ITPK1: variants seen among roughly 807,000 people sequenced by gnomAD.
ITPK1 encodes the protein inositol-tetrakisphosphate 1-kinase, also known as inositol 1,3,4-trisphosphate 5/6-kinase.
ITPK1 carries 21 observed loss-of-function variants against 45.3 expected under a neutral mutation model. The ratio of observed to expected loss-of-function variants is 0.46; its 90% confidence interval spans 0.33 to 0.67. The LOEUF (loss-of-function observed/expected upper bound fraction) is 0.67. Ranked by LOEUF, ITPK1 falls within the 30% of genes least tolerant of loss-of-function variation. The pLI, the probability that ITPK1 is intolerant of heterozygous loss-of-function variation, is 0.02. For missense variants in ITPK1, 474 were observed against 573.5 expected, an observed-to-expected ratio of 0.83 and a Z score of 1.77; for synonymous variants, 258 against 253.6, an observed-to-expected ratio of 1.02 and a Z score of -0.16.
At chr14:93,008,860 G>A (rs1432741591) in intron 4 of ITPK1, among the ~76,000 whole-genome samples, 1 of 152,240 alleles carries the variant, frequency 6.6e-6, no homozygotes, top group Non-Finnish European at 1.5e-5. Context: ...GTGACAAGAT[G>A]TTAGTCCTCT....
chr14:92,979,583 G>A (rs1886112310), intron 5 of ITPK1, among the ~76,000 whole-genome samples: 1 of 152,130 alleles, frequency 6.6e-6, no homozygotes, highest in Non-Finnish European at 1.5e-5. Flanking sequence ...AGCTGTTCAT[G>A]TGATAGTAAG....
Position 92,965,734 on chromosome 14 carries a change from T to C in ITPK1, c.365-2885A>G, listed in dbSNP as rs564156888. ...AATTATATTTATGGGTCTGGCATGG[T>C]GGCTCACGCCTGTAATCCCAGCACT... On this transcript the variant is annotated intron_variant, in intron 5 of 10. Coordinates refer to ENST00000267615, the MANE Select transcript of ITPK1 (RefSeq NM_014216.6). 1.5e-4 allele frequency among the ~76,000 whole-genome samples: 23 copies of C among 152,376 alleles called. No homozygotes were observed. In the East Asian group the frequency reaches 4.2e-3, roughly 28 times the overall value.
chr14:92,941,367 G>A lies in ITPK1; in HGVS notation c.*194C>T. The A allele has an allele frequency of 7.1e-7, 1 of 1,413,066 alleles. No individual in the cohort carries two copies. Among genetic ancestry groups the A allele is most frequent in the Non-Finnish European group, 9.2e-7 (1 of 1,091,308 alleles). The allele number at this position is 1,413,066 out of a possible 1,614,324, so 87.5% of individuals were successfully genotyped here. ...GCGGACGGCCCCACTCCCCAACGGT[G>A]GACCACCTGGTACTCTCTTCCATCC... On this transcript the variant is annotated 3_prime_UTR_variant, in exon 11 of 11. Coordinates refer to ENST00000267615, the MANE Select transcript of ITPK1 (RefSeq NM_014216.6).
At chr14:93,096,348 C>T (rs940843730) in intron 2 of ITPK1, among the ~76,000 whole-genome samples, 1 of 152,208 alleles carries the variant, frequency 6.6e-6, no homozygotes, top group Non-Finnish European at 1.5e-5. Context: ...CTTCATTTTC[C>T]GATCCCAGAT....
intron 4 of ITPK1, among the ~76,000 whole-genome samples, chr14:93,002,024 T>C (rs988203506): frequency 5.9e-5 from 9 of 152,134 alleles, no homozygotes; most frequent in African/African-American, 1.4e-4. Context: ...AACAACCCTA[T>C]GTAGATCCCG....
intron 3 of ITPK1, among the ~76,000 whole-genome samples, chr14:93,037,127 C>T (rs1889359236): frequency 6.6e-6 from 1 of 152,186 alleles, no homozygotes; most frequent in South Asian, 2.1e-4. Context: ...CAGGCCAGTC[C>T]CAATCCCTGG....
rs538216121 is a variant in ITPK1 at position 93,094,472 on chromosome 14, C to T, written c.96-17853G>A. Reference sequence around the variant, plus strand: ...AGTCACCAAGGAGCTGTCAGCTGGACGTGGCCCCTGGGAGCCGGGTGAAGC... The same window carrying T: ...AGTCACCAAGGAGCTGTCAGCTGGATGTGGCCCCTGGGAGCCGGGTGAAGC... On this transcript the variant is annotated intron_variant, in intron 2 of 10. Coordinates refer to ENST00000267615, the MANE Select transcript of ITPK1 (RefSeq NM_014216.6). 5.3e-5 allele frequency among the ~76,000 whole-genome samples: 8 copies of T among 152,306 alleles called. No individual in the cohort carries two copies. The South Asian group carries it at 1.7e-3, about 32-fold the overall frequency.
intron 2 of ITPK1, among the ~76,000 whole-genome samples, chr14:93,086,663 G>A (rs985238139): frequency 5.3e-5 from 8 of 152,252 alleles, no homozygotes; most frequent in Non-Finnish European, 1.2e-4. Context: ...GGGACAGCAG[G>A]AGGCACAGGG....
intron 2 of ITPK1, among the ~76,000 whole-genome samples, chr14:93,111,238 T>C (rs895426279): frequency 6.6e-6 from 1 of 152,064 alleles, no homozygotes; most frequent in African/African-American, 2.4e-5. Context: ...ACAGAAAGAA[T>C]GGGACAGAGA....
Position 93,016,712 on chromosome 14 carries a change from A to T in ITPK1, c.210T>A (p.Asn70Lys). 1.2e-6 allele frequency: 2 copies of T among 1,614,086 alleles called. No homozygotes were observed. The highest frequency in any genetic ancestry group is 1.7e-6 in the Non-Finnish European group (2 of 1,179,994). Residue 70 changes from asparagine to lysine, a missense_variant, in exon 4 of 11, where the codon AAT (asparagine) becomes AAA (lysine). Asn to Lys is a moderately conservative substitution (Grantham distance 94). Coordinates refer to ENST00000267615, the MANE Select transcript of ITPK1 (RefSeq NM_014216.6). The surrounding 1 kb of genome is among the most constrained non-coding windows in gnomAD (Gnocchi z 5.0). ...GCACCAGCTCCAGGGACTGGCTATC[A>T]TTCTGGTCGGCTTCAAGGATGACGT... ...LTDVILEADQ[N>K]DSQSLELVHR... is the part of the protein sequence containing the mutation.
intron 3 of ITPK1, among the ~76,000 whole-genome samples, chr14:93,028,053 C>T (rs1035114659): frequency 2.0e-5 from 3 of 152,224 alleles, no homozygotes; most frequent in Non-Finnish European, 2.9e-5. Flanking sequence ...GCCAGAAACC[C>T]GGAGGCTGCT....
intron 3 of ITPK1, among the ~76,000 whole-genome samples, chr14:93,037,847 G>A (rs935733935): frequency 1.3e-5 from 2 of 152,182 alleles, no homozygotes; most frequent in African/African-American, 4.8e-5. Context: ...TCCATTGTAA[G>A]AGATGTTTAT....
chr14:93,083,896 G>C (rs1595199770), intron 2 of ITPK1, among the ~76,000 whole-genome samples: 1 of 152,266 alleles, frequency 6.6e-6, no homozygotes, highest in East Asian at 1.9e-4. Context: ...CAGAGAGAAA[G>C]GCTGCTGGAC....
chr14:93,026,109 T>TA (rs1018524460), intron 3 of ITPK1, among the ~76,000 whole-genome samples: 20 of 150,878 alleles, frequency 1.3e-4, no homozygotes, highest in East Asian at 7.8e-4. Flanking sequence ...AGGCCCTGTC[T>TA]AAAAAAAAAG....
intron 5 of ITPK1, among the ~76,000 whole-genome samples, chr14:92,991,026 G>A (rs764064152): frequency 4.6e-5 from 7 of 150,578 alleles, no homozygotes; most frequent in African/African-American, 1.0e-4. Context: ...GGTGACAACC[G>A]GGGCAGGGGG....
chr14:93,059,999 C>G (rs1890449544), intron 3 of ITPK1, among the ~76,000 whole-genome samples: 2 of 151,866 alleles, frequency 1.3e-5, no homozygotes, highest in African/African-American at 2.4e-5. Flanking sequence ...ACGCAGCATT[C>G]AAGATCCAGG....
rs560601974 is a variant in ITPK1 at position 93,093,672 on chromosome 14, G to A, written c.96-17053C>T. ...AGGAACCAGGAGTGCTGAGGCCACCGGCCCCATACAGACAACATCCTGAGT... is the reference window on the plus strand; with the variant it reads ...AGGAACCAGGAGTGCTGAGGCCACCAGCCCCATACAGACAACATCCTGAGT... On this transcript the variant is annotated intron_variant, in intron 2 of 10. Transcript: ENST00000267615. Among the ~76,000 whole-genome samples the A allele has an allele frequency of 3.9e-5, 6 of 152,308 alleles. No individual in the cohort carries two copies. In the East Asian group the frequency reaches 7.7e-4, roughly 20 times the overall value.
intron 10 of ITPK1, 53 bp downstream of exon 10, chr14:92,946,278 C>T: frequency 6.2e-7 from 1 of 1,602,458 alleles, no homozygotes; most frequent in Non-Finnish European, 8.5e-7. Context: ...GCCTGGTCAC[C>T]TGAGGACAGT....
Position 93,036,727 on chromosome 14 carries a change from T to A in ITPK1, c.121-19926A>T, listed in dbSNP as rs1889338584. 6.6e-6 allele frequency: 1 copy of A among 152,176 alleles called. No homozygotes were observed. The highest frequency in any genetic ancestry group is 2.1e-4 in the South Asian group (1 of 4,832). 9.4% of individuals were successfully genotyped at this position (152,176 alleles called of 1,614,324 possible). A position where few individuals can be genotyped will look rare whatever the true frequency, so the allele number is the denominator to read the frequency against. On this transcript the variant is annotated intron_variant, in intron 3 of 10. Transcript: ENST00000267615. This position sits in a 1 kb window ranked among gnomAD's most constrained non-coding sequence, Gnocchi z 4.1. ...CAACCCGCACCGCATTCTCTCCCAC[T>A]CATCTCAATACCGCAGGGGAGGATG... is the stretch of plus-strand genomic sequence containing the variant.
Sources: allele counts gnomAD v4.1 joint callset (sites outside exome capture counted in the v4.1 genomes callset), GRCh38; gene constraint gnomAD v4.1.1; non-coding constraint Gnocchi (gnomAD v3.1); transcripts MANE v1.5; gene names NCBI Gene and HGNC (gene_info 2026-07-23, HGNC 2026-07-21).